The following SLC29A1 variants were observed in gnomAD, a reference collection of about 807,000 sequenced individuals.
SLC29A1 encodes solute carrier family 29 member 1 (Augustine blood group).
SLC29A1 carries 22 observed loss-of-function variants against 48.3 expected under a neutral mutation model. That is an observed-to-expected ratio of 0.46 (90% confidence interval 0.33 to 0.65). The LOEUF (loss-of-function observed/expected upper bound fraction) is 0.65. Ranked by LOEUF, SLC29A1 falls within the 30% of genes least tolerant of loss-of-function variation. The pLI is 0.03. For missense variants in SLC29A1, 491 were observed against 575.3 expected (o/e 0.85, Z 1.50); for synonymous variants, 228 against 231.0 (o/e 0.99, Z 0.12).
In SLC29A1 at chr6:44,232,197, C is replaced by T. The variant is rs1284119560; in HGVS notation, c.973+91C>T. 3 of 1,193,714 alleles carry T rather than the reference C, an allele frequency of 2.5e-6. No individual in the cohort carries two copies. The highest frequency in any genetic ancestry group is 1.5e-5 in the African/African-American group (1 of 66,756). 73.9% of individuals were successfully genotyped at this position (1,193,714 alleles called of 1,614,324 possible). ...AGGGAGGGAGCCTGGGTCACCTTCT[C>T]CCCGTTTCCTGGGTCCATTTGCCCT... On this transcript the variant is annotated intron_variant, in intron 10 of 12. Transcript: ENST00000371755. This position sits in a 1 kb window ranked among gnomAD's most constrained non-coding sequence, Gnocchi z 4.7.
rs1779202682 is a variant in SLC29A1, at chr6:44,232,828, CT to C, written c.1082del (p.Leu361ArgfsTer26). 6.2e-7 allele frequency: 1 copy of C among 1,612,490 alleles called. No homozygotes were observed. Among genetic ancestry groups the C allele is most frequent in the Non-Finnish European group, 8.5e-7 (1 of 1,180,000 alleles). Reference protein sequence around the residue: ...FMWPGKDSRWLPSLVLARLVF... With the variant: ...FMWPGKDSRWXPSLVLARLVF... ...ACAGCCTGGGAAGGACAGCCGCTGG[CT>C]GCCAAGCCTGGTGCTGGCCCGGCTG... is the stretch of plus-strand genomic sequence containing the variant. On this transcript the variant is annotated frameshift_variant, in exon 12 of 13. Coordinates refer to ENST00000371755, the MANE Select transcript of SLC29A1 (RefSeq NM_001372327.1). LOFTEE classifies it high-confidence loss of function. This position sits in a 1 kb window ranked among gnomAD's most constrained non-coding sequence, Gnocchi z 4.7.
upstream of SLC29A1, chr6:44,223,421 C>A: frequency 2.0e-6 from 1 of 499,360 alleles, no homozygotes; most frequent in Middle Eastern, 9.7e-4. This position sits in a 1 kb window ranked among gnomAD's most constrained non-coding sequence, Gnocchi z 5.0. Flanking sequence ...CCAGGCGGCC[C>A]TGGGGGCGCA....
At chr6:44,223,479 G>A, upstream of SLC29A1, 1 of 945,968 alleles carries the variant, frequency 1.1e-6, no homozygotes, top group East Asian at 1.1e-4. This position sits in a 1 kb window ranked among gnomAD's most constrained non-coding sequence, Gnocchi z 5.0. Context: ...CCGCGGGGTG[G>A]CAGGGGTGGG....
Position 44,233,409 on chromosome 6 carries a change from C to T in SLC29A1, c.1260-8C>T, listed in dbSNP as rs1465127514. 1 of 1,611,464 alleles carries T rather than the reference C, an allele frequency of 6.2e-7. No individual in the cohort carries two copies. Among genetic ancestry groups the T allele is most frequent in the Non-Finnish European group, 8.5e-7 (1 of 1,177,582 alleles). The stretch of plus-strand genomic sequence containing the variant: ...CTGAGGTAGCCTTGCCCTTCCTTCC[C>T]CGCTTAGGAAAGTGAAGCCAGCTGA... On this transcript the variant is annotated splice_polypyrimidine_tract_variant and splice_region_variant and intron_variant, in intron 12 of 12. Transcript: ENST00000371755.
chr6:44,223,831 A>AGGACCCTGC lies in SLC29A1; in HGVS notation c.-52+193_-52+201dup, dbSNP rs1432536903. On this transcript the variant is annotated intron_variant, in intron 1 of 12. Transcript: ENST00000371755. This position sits in a 1 kb window ranked among gnomAD's most constrained non-coding sequence, Gnocchi z 5.0. ...TGGCGCGCACGGGCCAGGGAGCCTG[A>AGGACCCTGC]GGACCCTGCGGGGACCGGGACCCAA... 3 of 1,007,118 alleles carry AGGACCCTGC rather than the reference A, an allele frequency of 3.0e-6. No homozygotes were observed. The highest frequency in any genetic ancestry group is 1.1e-4 in the East Asian group (1 of 8,840). 62.4% of individuals were successfully genotyped at this position (1,007,118 alleles called of 1,614,324 possible).
intron 9 of SLC29A1, among the ~76,000 whole-genome samples, chr6:44,231,702 C>G (rs1752407658): frequency 6.6e-6 from 1 of 152,118 alleles, no homozygotes; most frequent in East Asian, 1.9e-4. Flanking sequence ...AATCTCCACT[C>G]GCTGCAACCT....
chr6:44,233,339 C>A, intron 12 of SLC29A1, 78 bp from the exon 13 acceptor site: 1 of 1,238,524 alleles, frequency 8.1e-7, no homozygotes, highest in Non-Finnish European at 1.2e-6. Context: ...TGCTCCACCC[C>A]ACCCCTCCTT....
upstream of SLC29A1, among the ~76,000 whole-genome samples, chr6:44,220,344 ATT>A (rs3997542): frequency 5.7e-4 from 72 of 126,486 alleles, no homozygotes; most frequent in African/African-American, 9.0e-4. Context: ...TGCTCAGCTA[ATT>A]TTTTTTTTTT....
chr6:44,227,619 C>G (rs561012194), intron 2 of SLC29A1, among the ~76,000 whole-genome samples: 1 of 152,208 alleles, frequency 6.6e-6, no homozygotes, highest in Non-Finnish European at 1.5e-5. Flanking sequence ...CGGCTCCTCC[C>G]GCCACCACTG....
chr6:44,224,954 A>C (rs1777154914), intron 1 of SLC29A1, among the ~76,000 whole-genome samples: 1 of 152,186 alleles, frequency 6.6e-6, no homozygotes. Flanking sequence ...AATTGTGCCC[A>C]AGACTGGTAT....
rs748411158 is a variant in SLC29A1 at position 44,223,649 on chromosome 6, C to T, written c.-52+8C>T. 5,000 of 1,202,240 alleles carry T rather than the reference C, an allele frequency of 4.2e-3. 8 individuals are homozygous for T. Among genetic ancestry groups the T allele is most frequent in the Non-Finnish European group, 5.1e-3 (4,802 of 944,578 alleles). 74.5% of individuals were successfully genotyped at this position (1,202,240 alleles called of 1,614,324 possible). ...GCAGTGCTTCTGCGGCAGGTGCTGC[C>T]CGGGGCCGGGGACTGGGGACTGGGG... On this transcript the variant is annotated splice_region_variant and intron_variant, in intron 1 of 12. Transcript: ENST00000371755. This position sits in a 1 kb window ranked among gnomAD's most constrained non-coding sequence, Gnocchi z 5.0.
In SLC29A1 at chr6:44,229,930, T is replaced by G. The variant is rs912541642; in HGVS notation, c.338T>G (p.Leu113Arg). 6.2e-7 allele frequency: 1 copy of G among 1,613,522 alleles called. No homozygotes were observed. Among genetic ancestry groups the G allele is most frequent in the Middle Eastern group, 1.6e-4 (1 of 6,062 alleles). The change falls in exon 5 of 13, where the codon CTG (leucine) becomes CGG (arginine). Residue 113 changes from leucine (L) to arginine (R), a missense_variant. Leu to Arg is a moderately radical substitution (Grantham distance 102, BLOSUM62 -2). Coordinates refer to ENST00000371755, the MANE Select transcript of SLC29A1 (RefSeq NM_001372327.1). This position sits in a 1 kb window ranked among gnomAD's most constrained non-coding sequence, Gnocchi z 5.1. Reference protein sequence around the residue: ...HQRIPQSVRILGSLVAILLVF... With the variant: ...HQRIPQSVRIRGSLVAILLVF... The stretch of plus-strand genomic sequence containing the variant: ...AGGATCCCCCAGTCCGTACGGATCC[T>G]GGGCAGCCTGGTGGCCATCCTGCTG...
chr6:44,230,294 A>G, intron 5 of SLC29A1, 53 bp from the exon 6 acceptor site: 1 of 1,583,294 alleles, frequency 6.3e-7, no homozygotes. Context: ...CTTCTTGGGC[A>G]CCCCCAACCA....
chr6:44,223,740 T>C lies in SLC29A1; in HGVS notation c.-52+99T>C, dbSNP rs1341916262. The C allele has an allele frequency of 1.5e-5, 16 of 1,040,868 alleles. No individual in the cohort carries two copies. The highest frequency in any genetic ancestry group is 2.3e-6 in the Non-Finnish European group (2 of 861,446). The allele number at this position is 1,040,868 out of a possible 1,614,324, so 64.5% of individuals were successfully genotyped here. A position where few individuals can be genotyped will look rare whatever the true frequency, so the allele number is the denominator to read the frequency against. ...GGGCAGGGAGGGCGGGCCTGACGGC[T>C]CCGCAGCCCGGAGAAGGGACGCCGG... On this transcript the variant is annotated intron_variant, in intron 1 of 12. Transcript: ENST00000371755. This position sits in a 1 kb window ranked among gnomAD's most constrained non-coding sequence, Gnocchi z 5.0.
chr6:44,219,686 C>T (rs982342250), upstream of SLC29A1: 11 of 1,286,226 alleles, frequency 8.6e-6, no homozygotes, highest in Admixed American at 9.2e-5. Context: ...GGCTATGGCC[C>T]CAGCCCCGAG....
intron 2 of SLC29A1, 37 bp downstream of exon 2, chr6:44,227,379 T>C: frequency 6.3e-7 from 1 of 1,579,100 alleles, no homozygotes; most frequent in Non-Finnish European, 8.7e-7. Context: ...ATCCAGGGAA[T>C]GGGTTTTCAG....
chr6:44,226,218 G>A, intron 1 of SLC29A1: 1 of 624,844 alleles, frequency 1.6e-6, no homozygotes, highest in Non-Finnish European at 2.0e-6. Context: ...ACCCCAAACA[G>A]CAAGGCCTGG....
intron 1 of SLC29A1, chr6:44,226,184 G>T (rs771876106): frequency 2.2e-6 from 2 of 908,014 alleles, no homozygotes; most frequent in South Asian, 5.0e-5. Context: ...GCCCAGAAAG[G>T]GAGGGAAGGG....
Position 44,231,253 on chromosome 6 carries a change from T to G in SLC29A1, c.767-111T>G, listed in dbSNP as rs1778797652. 3 of 730,996 alleles carry G rather than the reference T, an allele frequency of 4.1e-6. No individual in the cohort carries two copies. The East Asian group carries it at 8.1e-5, about 20-fold the overall frequency. 45.3% of individuals were successfully genotyped at this position (730,996 alleles called of 1,614,324 possible). A position where few individuals can be genotyped will look rare whatever the true frequency, so the allele number is the denominator to read the frequency against. On this transcript the variant is annotated intron_variant, in intron 8 of 12. Transcript: ENST00000371755. ...GTTAGGGTTAGAGTACGGCTGGGAC[T>G]GGTTAAGGAGGCGTCTACTTTCAAG...
Sources: allele counts gnomAD v4.1 joint callset (sites outside exome capture counted in the v4.1 genomes callset), GRCh38; gene constraint gnomAD v4.1.1; non-coding constraint Gnocchi (gnomAD v3.1); transcripts MANE v1.5; gene names NCBI Gene and HGNC (gene_info 2026-07-23, HGNC 2026-07-21).